NRG1: variants seen among roughly 807,000 people sequenced by gnomAD.
NRG1 encodes the protein pro-neuregulin-1, membrane-bound isoform.
A neutral mutation model predicts 63.8 loss-of-function variants in NRG1; 18 were observed. The ratio of observed to expected loss-of-function variants is 0.28; its 90% confidence interval spans 0.19 to 0.42. The LOEUF is 0.42. Among genes scored for constraint, NRG1 ranks in the 10% least tolerant of loss-of-function variants. NRG1 has a pLI of 1.00. For missense variants in NRG1, 762 were observed against 814.7 expected (o/e 0.94, Z 0.79); for synonymous variants, 302 against 301.3 (o/e 1.00, Z -0.02).
intron 1 of NRG1, among the ~76,000 whole-genome samples, chr8:31,803,442 T>A (rs186901903): frequency 4.6e-5 from 7 of 152,226 alleles, no homozygotes. Context: ...AAGTTTATCC[T>A]AATTCAAGTA....
At chr8:32,751,609 G>A (rs1020628182) in intron 7 of NRG1, among the ~76,000 whole-genome samples, 6 of 152,178 alleles carry the variant, frequency 3.9e-5, no homozygotes, top group Non-Finnish European at 7.3e-5. Flanking sequence ...TAGCAATGAG[G>A]ATAAGGGTTG....
chr8:31,882,462 A>G (rs1248485101), intron 1 of NRG1, among the ~76,000 whole-genome samples: 2 of 152,118 alleles, frequency 1.3e-5, no homozygotes, highest in African/African-American at 4.8e-5. Flanking sequence ...TACTAACACA[A>G]CATCCATTCT....
intron 5 of NRG1, among the ~76,000 whole-genome samples, chr8:32,637,267 A>G (rs1287791519): frequency 6.6e-6 from 1 of 152,092 alleles, no homozygotes; most frequent in African/African-American, 2.4e-5. Flanking sequence ...TGTATATATG[A>G]GTTCATTTTA....
At chr8:31,940,411 G>T (rs1399304211) in intron 1 of NRG1, among the ~76,000 whole-genome samples, 1 of 151,532 alleles carries the variant, frequency 6.6e-6, no homozygotes, top group Non-Finnish European at 1.5e-5. Flanking sequence ...TGGTGCTAAG[G>T]GGAAAGTTCA....
At chr8:32,321,065 T>A (rs1801325355) in intron 1 of NRG1, among the ~76,000 whole-genome samples, 3 of 152,198 alleles carry the variant, frequency 2.0e-5, no homozygotes, top group African/African-American at 4.8e-5. Flanking sequence ...ATATCCTATG[T>A]TATTAGATGA....
At chr8:32,066,755 T>C (rs1273055066) in intron 1 of NRG1, among the ~76,000 whole-genome samples, 1 of 152,216 alleles carries the variant, frequency 6.6e-6, no homozygotes, top group Non-Finnish European at 1.5e-5. Flanking sequence ...GGGGATGGCA[T>C]TGAATCTGTA....
intron 1 of NRG1, among the ~76,000 whole-genome samples, chr8:31,739,071 C>T (rs114207775): frequency 1.8e-4 from 28 of 152,132 alleles, no homozygotes; most frequent in African/African-American, 6.0e-4. Context: ...TAAGTGCACA[C>T]GTAAGATGCA....
chr8:32,548,300 G>A lies in NRG1; in HGVS notation c.-427G>A. The A allele has an allele frequency of 1.0e-6, 1 of 990,386 alleles. No individual in the cohort carries two copies. The highest frequency in any genetic ancestry group is 1.7e-5 in the African/African-American group (1 of 57,576). 61.3% of individuals were successfully genotyped at this position (990,386 alleles called of 1,614,324 possible). ...GGGGCAATTGAAAAAGAGCCGGCGAGGAGTTCCCCGAAACTTGTTGGAACT... is the reference window on the plus strand; with the variant it reads ...GGGGCAATTGAAAAAGAGCCGGCGAAGAGTTCCCCGAAACTTGTTGGAACT... On this transcript the variant is annotated 5_prime_UTR_variant, in exon 1 of 12. Transcript: ENST00000356819.
At chr8:31,711,332 T>G (rs1364010467) in intron 1 of NRG1, among the ~76,000 whole-genome samples, 1 of 152,228 alleles carries the variant, frequency 6.6e-6, no homozygotes, top group African/African-American at 2.4e-5. Context: ...CCTTTATTCC[T>G]AAAGGACAAC....
chr8:31,674,589 C>T (rs1807489313), intron 1 of NRG1, among the ~76,000 whole-genome samples: 1 of 151,734 alleles, frequency 6.6e-6, no homozygotes, highest in African/African-American at 2.4e-5. Flanking sequence ...AATCTTTAAC[C>T]CAATACTCAT....
At chr8:32,557,712 C>T (rs150907209) in intron 1 of NRG1, among the ~76,000 whole-genome samples, 22 of 151,940 alleles carry the variant, frequency 1.4e-4, no homozygotes, top group African/African-American at 4.8e-4. Flanking sequence ...CGGGGGATTG[C>T]TCATGCATTA....
At chr8:32,605,530 A>G in intron 2 of NRG1, 32 bp from the exon 3 acceptor site, 3 of 1,611,396 alleles carry the variant, frequency 1.9e-6, no homozygotes, top group Non-Finnish European at 8.5e-7. Flanking sequence ...TCTGTGATAT[A>G]TACTGACACC....
intron 1 of NRG1, among the ~76,000 whole-genome samples, chr8:32,475,433 C>T (rs1824393421): frequency 8.1e-6 from 1 of 124,102 alleles, no homozygotes; most frequent in East Asian, 2.6e-4. Flanking sequence ...CCACTGCACT[C>T]CAGCCTGGTG....
At chr8:32,539,216 C>G (rs901480471) in intron 1 of NRG1, among the ~76,000 whole-genome samples, 7 of 152,140 alleles carry the variant, frequency 4.6e-5, no homozygotes, top group Non-Finnish European at 8.8e-5. Flanking sequence ...TATTTTATAG[C>G]AGCAGGAATC....
chr8:31,697,970 A>G (rs779809736), intron 1 of NRG1, among the ~76,000 whole-genome samples: 13 of 151,310 alleles, frequency 8.6e-5, no homozygotes, highest in Non-Finnish European at 1.8e-4. Flanking sequence ...GTCAACCTGA[A>G]TCGCATTTTT....
chr8:32,102,911 T>C (rs2131372115), intron 1 of NRG1, among the ~76,000 whole-genome samples: 1 of 152,338 alleles, frequency 6.6e-6, no homozygotes, highest in African/African-American at 2.4e-5. Context: ...TTCTAATTTT[T>C]GTAGGTACAC....
intron 1 of NRG1, among the ~76,000 whole-genome samples, chr8:32,138,637 A>G (rs1001080215): frequency 6.6e-6 from 1 of 151,946 alleles, no homozygotes; most frequent in Admixed American, 6.6e-5. Context: ...GTCTTGGCTC[A>G]CTGCAACCTC....
chr8:31,709,625 A>T (rs1416571090), intron 1 of NRG1, among the ~76,000 whole-genome samples: 1 of 152,038 alleles, frequency 6.6e-6, no homozygotes, highest in Non-Finnish European at 1.5e-5. Context: ...TCTCTAATTC[A>T]TTTGTTGAAA....
chr8:32,734,738 GA>G (rs1824570847), intron 6 of NRG1, among the ~76,000 whole-genome samples: 1 of 152,152 alleles, frequency 6.6e-6, no homozygotes, highest in Non-Finnish European at 1.5e-5. Context: ...TAGGGTTGAA[GA>G]AAATTCTTTA....
Sources: gnomAD v4.1 joint callset for allele counts (sites outside exome capture counted in the v4.1 genomes callset) on GRCh38, gnomAD v4.1.1 for gene constraint, MANE v1.5 for transcripts, NCBI Gene and HGNC (gene_info 2026-07-23, HGNC 2026-07-21) for gene names.